The following SPIDR variants were observed in gnomAD, a reference collection of about 807,000 sequenced individuals.
The protein encoded by SPIDR is DNA repair-scaffolding protein.
Under a neutral mutation model 104.6 loss-of-function variants are expected in SPIDR, and 93 were observed. That is an observed-to-expected ratio of 0.89 (90% CI 0.75 to 1.06). SPIDR has a LOEUF of 1.06. Ranked by LOEUF, SPIDR falls within the 50% of genes least tolerant of loss-of-function variation. SPIDR has a pLI of 0.00. For missense variants in SPIDR, 1,154 were observed against 1,111.2 expected (o/e 1.04, Z -0.55); for synonymous variants, 431 against 416.9 (o/e 1.03, Z -0.41).
At chr8:47,672,200 A>G (rs998513536) in intron 10 of SPIDR, among the ~76,000 whole-genome samples, 1 of 152,176 alleles carries the variant, frequency 6.6e-6, no homozygotes, top group Non-Finnish European at 1.5e-5. Flanking sequence ...AGTTCAAGTA[A>G]TCCTCCCACC....
intron 1 of SPIDR, among the ~76,000 whole-genome samples, chr8:47,267,763 T>C (rs1340681180): frequency 6.6e-6 from 1 of 152,262 alleles, no homozygotes; most frequent in African/African-American, 2.4e-5. Flanking sequence ...ATAAGATGTA[T>C]GATTGCAGAT....
intron 5 of SPIDR, among the ~76,000 whole-genome samples, chr8:47,323,514 G>C (rs975829580): frequency 2.6e-4 from 40 of 152,266 alleles, no homozygotes; most frequent in African/African-American, 8.7e-4. Flanking sequence ...AAGGCCCTGA[G>C]CATTGGTGTT....
intron 5 of SPIDR, among the ~76,000 whole-genome samples, chr8:47,386,904 GATATAGATATAGATATAGATATAGATAT>G (rs1469092498): frequency 2.2e-3 from 285 of 126,936 alleles, no homozygotes; most frequent in African/African-American, 7.2e-3. Context: ...GAGAGAGAGA[GATATAGATATAGATATAGATATAGATAT>G]AGATATAGAT....
intron 8 of SPIDR, among the ~76,000 whole-genome samples, chr8:47,562,174 A>G (rs2057167372): frequency 6.6e-6 from 1 of 152,150 alleles, no homozygotes; most frequent in Non-Finnish European, 1.5e-5. Context: ...TCCTCTTGCC[A>G]TTTGGCATTA....
At chr8:47,533,945 C>G in intron 8 of SPIDR, among the ~76,000 whole-genome samples, 1 of 152,190 alleles carries the variant, frequency 6.6e-6, no homozygotes, top group East Asian at 1.9e-4. Flanking sequence ...GTGTCCCCAC[C>G]CAAATCTCAC....
chr8:47,390,700 T>C (rs1171650415), intron 5 of SPIDR, among the ~76,000 whole-genome samples: 1 of 152,068 alleles, frequency 6.6e-6, no homozygotes, highest in Non-Finnish European at 1.5e-5. Flanking sequence ...CCGTTAAATA[T>C]TTCATAATAA....
At chr8:47,701,352 A>G (rs1253606609) in intron 12 of SPIDR, among the ~76,000 whole-genome samples, 1 of 152,186 alleles carries the variant, frequency 6.6e-6, no homozygotes, top group Non-Finnish European at 1.5e-5. Context: ...GAATCGCTTG[A>G]ACCCATGAGG....
chr8:47,358,968 A>G (rs1390348376), intron 5 of SPIDR, among the ~76,000 whole-genome samples: 2 of 152,164 alleles, frequency 1.3e-5, no homozygotes, highest in African/African-American at 4.8e-5. Context: ...ATTGGAGTTA[A>G]CATTTTTGTA....
intron 5 of SPIDR, among the ~76,000 whole-genome samples, chr8:47,333,015 T>C (rs973077947): frequency 4.6e-5 from 7 of 151,870 alleles, no homozygotes; most frequent in African/African-American, 1.5e-4. Context: ...TTAGATCCCA[T>C]TTGTCAATTT....
intron 18 of SPIDR, 160 bp downstream of exon 18, chr8:47,729,207 C>A: frequency 6.7e-7 from 1 of 1,483,964 alleles, no homozygotes; most frequent in Non-Finnish European, 9.0e-7. Context: ...GTCCTAGGAG[C>A]TTCCCTAGGA....
At chr8:47,618,130 A>G (rs1437286811) in intron 10 of SPIDR, among the ~76,000 whole-genome samples, 1 of 152,222 alleles carries the variant, frequency 6.6e-6, no homozygotes, top group Non-Finnish European at 1.5e-5. Flanking sequence ...GCTTTTGTGT[A>G]CGTGGTTTGT....
At chr8:47,357,150 T>C (rs1392791923) in intron 5 of SPIDR, among the ~76,000 whole-genome samples, 1 of 152,176 alleles carries the variant, frequency 6.6e-6, no homozygotes, top group South Asian at 2.1e-4. Context: ...GGTAGGAAAT[T>C]AGGGGAAAGA....
intron 5 of SPIDR, among the ~76,000 whole-genome samples, chr8:47,297,900 T>C (rs1261940871): frequency 1.3e-5 from 2 of 152,198 alleles, no homozygotes; most frequent in African/African-American, 4.8e-5. Context: ...CTATTGTGAA[T>C]AGTGCCGCAA....
intron 1 of SPIDR, among the ~76,000 whole-genome samples, chr8:47,269,475 A>G (rs1444515439): frequency 6.6e-6 from 1 of 151,054 alleles, no homozygotes; most frequent in Non-Finnish European, 1.5e-5. Flanking sequence ...CCGGGCTGGT[A>G]TTGAACTCCT....
At chr8:47,660,640 G>T in intron 10 of SPIDR, 1 of 420,320 alleles carries the variant, frequency 2.4e-6, no homozygotes, top group Non-Finnish European at 3.2e-6. Context: ...TATTCTAATG[G>T]TTATGTATTG....
intron 15 of SPIDR, 185 bp from the exon 16 acceptor site, chr8:47,713,304 A>G: frequency 1.3e-6 from 1 of 761,582 alleles, no homozygotes; most frequent in Non-Finnish European, 2.1e-6. Context: ...CTCACATTTG[A>G]GTGCTTTTTT....
chr8:47,430,170 G>A (rs1445783640), intron 7 of SPIDR, among the ~76,000 whole-genome samples: 6 of 152,098 alleles, frequency 3.9e-5, no homozygotes, highest in Admixed American at 3.3e-4. Flanking sequence ...GGTAATGGTC[G>A]CTCTGTGTTT....
chr8:47,419,524 T>G (rs2154332736), intron 7 of SPIDR, among the ~76,000 whole-genome samples: 1 of 152,330 alleles, frequency 6.6e-6, no homozygotes, highest in East Asian at 1.9e-4. Context: ...TCTTTATTAG[T>G]CTTGCTAGTA....
At chr8:47,492,813 G>A (rs918324299) in intron 8 of SPIDR, among the ~76,000 whole-genome samples, 11 of 152,168 alleles carry the variant, frequency 7.2e-5, no homozygotes, top group Non-Finnish European at 4.4e-5. Flanking sequence ...CCTTCATGCA[G>A]CTTCTCCAAG....
Sources: allele counts gnomAD v4.1 joint callset (sites outside exome capture counted in the v4.1 genomes callset), GRCh38; gene constraint gnomAD v4.1.1; transcripts MANE v1.5; gene names NCBI Gene and HGNC (gene_info 2026-07-23, HGNC 2026-07-21).